CSMD1: variants seen among roughly 807,000 people sequenced by gnomAD.
The protein encoded by CSMD1 is CUB and Sushi multiple domains 1.
In CSMD1, 213 loss-of-function variants were observed where a neutral mutation model predicts 417.5. The observed-to-expected ratio is 0.51, with a 90% CI of 0.46 to 0.57. The LOEUF (loss-of-function observed/expected upper bound fraction) is 0.57. Ranked by LOEUF, CSMD1 falls within the 20% of genes least tolerant of loss-of-function variation. The probability of loss-of-function intolerance (pLI) is 0.00; values close to 1 mark genes in which losing one functional copy is unlikely to be tolerated. For missense variants in CSMD1, 6,923 were observed against 4,529.7 expected (o/e 1.53, Z -15.17); for synonymous variants, 2,862 against 1,736.8 (o/e 1.65, Z -16.11).
chr8:4,735,252 G>A (rs1016921891), intron 1 of CSMD1, among the ~76,000 whole-genome samples: 1 of 152,106 alleles, frequency 6.6e-6, no homozygotes, highest in Admixed American at 6.6e-5. Context: ...TCTCAGCACT[G>A]AAAAAGCCTA....
At chr8:4,161,398 G>A (rs190071360) in intron 3 of CSMD1, among the ~76,000 whole-genome samples, 2 of 152,344 alleles carry the variant, frequency 1.3e-5, no homozygotes, top group African/African-American at 2.4e-5. Flanking sequence ...GAATCTTAGA[G>A]GTAAACTTGT....
intron 2 of CSMD1, among the ~76,000 whole-genome samples, chr8:4,636,821 G>C (rs1802838931): frequency 6.6e-6 from 1 of 152,110 alleles, no homozygotes; most frequent in Non-Finnish European, 1.5e-5. Flanking sequence ...AAGCCAGCTG[G>C]ACTTCTTGCA....
intron 1 of CSMD1, among the ~76,000 whole-genome samples, chr8:4,987,075 A>T (rs1188107726): frequency 1.3e-5 from 2 of 152,220 alleles, no homozygotes; most frequent in Non-Finnish European, 2.9e-5. Context: ...GTTAGAAGCC[A>T]TATTTTACTA....
intron 4 of CSMD1, among the ~76,000 whole-genome samples, chr8:4,005,268 C>T (rs1177510279): frequency 6.6e-6 from 1 of 152,122 alleles, no homozygotes; most frequent in African/African-American, 2.4e-5. Flanking sequence ...ACCATCTACA[C>T]CCCAATAACT....
chr8:4,385,902 C>A (rs1222624682), intron 3 of CSMD1, among the ~76,000 whole-genome samples: 2 of 152,148 alleles, frequency 1.3e-5, no homozygotes, highest in Non-Finnish European at 2.9e-5. Flanking sequence ...TTCTCAGAAC[C>A]AGTTCTCCAG....
At chr8:4,142,863 T>C (rs73506957) in intron 3 of CSMD1, among the ~76,000 whole-genome samples, 19,013 of 150,992 alleles carry the variant, frequency 0.13, 2,488 homozygotes, top group East Asian at 0.27. Context: ...TCTAATATCA[T>C]CATTTGATAA....
intron 2 of CSMD1, among the ~76,000 whole-genome samples, chr8:4,462,882 A>G (rs2129965028): frequency 6.6e-6 from 1 of 152,258 alleles, no homozygotes; most frequent in East Asian, 1.9e-4. Context: ...ATATAGGAGT[A>G]AATCTTTGTA....
chr8:3,725,720 G>T (rs1391554065), intron 6 of CSMD1, among the ~76,000 whole-genome samples: 1 of 152,040 alleles, frequency 6.6e-6, no homozygotes, highest in Non-Finnish European at 1.5e-5. Context: ...GTAGGCAGAG[G>T]GCCACATACC....
chr8:4,529,199 A>C (rs1339637637), intron 2 of CSMD1, among the ~76,000 whole-genome samples: 2 of 151,962 alleles, frequency 1.3e-5, no homozygotes, highest in African/African-American at 2.4e-5. Context: ...TGAGGTCAAA[A>C]CTCTTATCAG....
intron 10 of CSMD1, among the ~76,000 whole-genome samples, chr8:3,546,611 G>C (rs1798675497): frequency 6.6e-6 from 1 of 151,666 alleles, no homozygotes; most frequent in Non-Finnish European, 1.5e-5. Context: ...CAAAAGTTTT[G>C]AATAATACTG....
chr8:3,126,556 A>C (rs963357624), intron 41 of CSMD1, among the ~76,000 whole-genome samples: 1 of 152,188 alleles, frequency 6.6e-6, no homozygotes, highest in African/African-American at 2.4e-5. Flanking sequence ...TCAGCCATGA[A>C]TGGTAGTCCA....
rs149216465 is a variant in CSMD1 at position 4,001,718 on chromosome 8, C to T, written c.611-3608G>A. Among the ~76,000 whole-genome samples, 1,041 of 152,254 alleles carry T rather than the reference C, an allele frequency of 6.8e-3. 11 individuals carry two copies. Among genetic ancestry groups the T allele is most frequent in the African/African-American group, 0.024 (1,003 of 41,540 alleles). On this transcript the variant is annotated intron_variant, in intron 4 of 69. Transcript: ENST00000635120. The stretch of plus-strand genomic sequence containing the variant: ...GAGTGGATCATGGAGACCCATAGTT[C>T]ACTGGGCCAGCATGAGTACTAGGCT...
chr8:4,134,575 TAAGG>T (rs1585390034), intron 3 of CSMD1, among the ~76,000 whole-genome samples: 1 of 152,326 alleles, frequency 6.6e-6, no homozygotes, highest in East Asian at 1.9e-4. Flanking sequence ...ATGGCAGCCC[TAAGG>T]AATGCATACA....
At chr8:4,426,904 T>A (rs532220709) in intron 2 of CSMD1, among the ~76,000 whole-genome samples, 2 of 151,832 alleles carry the variant, frequency 1.3e-5, no homozygotes, top group South Asian at 4.2e-4. Flanking sequence ...GTCAGGTGTT[T>A]CAGCTTTTTA....
At chr8:4,607,637 G>C (rs1049511566) in intron 2 of CSMD1, among the ~76,000 whole-genome samples, 1 of 151,926 alleles carries the variant, frequency 6.6e-6, no homozygotes, top group African/African-American at 2.4e-5. Context: ...GCCATTTTTT[G>C]GTGTAAAAAT....
chr8:4,846,466 G>C (rs1285105710), intron 1 of CSMD1, among the ~76,000 whole-genome samples: 2 of 152,158 alleles, frequency 1.3e-5, no homozygotes, highest in African/African-American at 2.4e-5. Flanking sequence ...TCTCTGTCTT[G>C]GTTGACTGAG....
chr8:4,636,231 G>A (rs192573818), intron 2 of CSMD1, among the ~76,000 whole-genome samples: 3 of 152,098 alleles, frequency 2.0e-5, no homozygotes, highest in Admixed American at 6.5e-5. Context: ...CTTTGGAAGG[G>A]ATATTCCTTC....
intron 23 of CSMD1, among the ~76,000 whole-genome samples, chr8:3,338,004 A>T (rs559644353): frequency 6.6e-6 from 1 of 152,132 alleles, no homozygotes; most frequent in South Asian, 2.1e-4. Context: ...CTAGCTTCCT[A>T]CTTTGGCAGA....
At chr8:3,282,491 A>G (rs542854873) in intron 26 of CSMD1, among the ~76,000 whole-genome samples, 7 of 152,340 alleles carry the variant, frequency 4.6e-5, no homozygotes, top group African/African-American at 1.7e-4. Flanking sequence ...ATGAATCACA[A>G]TTCTACCATC....
Sources: gnomAD v4.1 joint callset for allele counts (sites outside exome capture counted in the v4.1 genomes callset) on GRCh38, gnomAD v4.1.1 for gene constraint, MANE v1.5 for transcripts, NCBI Gene and HGNC (gene_info 2026-07-23, HGNC 2026-07-21) for gene names.